Variants in MME observed in about 807,000 individuals in gnomAD.
MME encodes the protein neprilysin.
In MME, 98 loss-of-function variants were observed where a neutral mutation model predicts 113.2. The ratio of observed to expected loss-of-function variants is 0.87; its 90% CI spans 0.74 to 1.02. The LOEUF is 1.02. Ranked by LOEUF, MME falls within the 50% of genes least tolerant of loss-of-function variation. MME has a pLI of 0.00. For missense variants in MME, 836 were observed against 896.0 expected, an observed-to-expected ratio of 0.93 and a Z score of 0.86; for synonymous variants, 292 against 300.6, an observed-to-expected ratio of 0.97 and a Z score of 0.30.
chr3:155,164,043 C>T (rs1380751549), intron 17 of MME, among the ~76,000 whole-genome samples: 1 of 150,714 alleles, frequency 6.6e-6, no homozygotes, highest in Non-Finnish European at 1.5e-5. Flanking sequence ...ACTTGAGAGG[C>T]TGAGGTGGGA....
chr3:155,059,598 C>G (rs1714068887), intron 1 of MME, among the ~76,000 whole-genome samples: 1 of 151,988 alleles, frequency 6.6e-6, no homozygotes, highest in East Asian at 1.9e-4. Context: ...TTTTATGTTT[C>G]CCATAGAAAA....
chr3:155,152,733 C>A (rs891185154), intron 16 of MME, among the ~76,000 whole-genome samples: 7 of 151,854 alleles, frequency 4.6e-5, no homozygotes, highest in African/African-American at 1.7e-4. Flanking sequence ...GCCAGCTACT[C>A]AGGAGGCTGA....
chr3:155,143,866 C>G (rs1177033520), intron 13 of MME, among the ~76,000 whole-genome samples: 3 of 152,106 alleles, frequency 2.0e-5, no homozygotes, highest in Non-Finnish European at 4.4e-5. Context: ...TTTATAAACT[C>G]TTCTATTATC....
intron 1 of MME, among the ~76,000 whole-genome samples, chr3:155,025,474 A>T (rs1325426133): frequency 1.3e-5 from 2 of 151,632 alleles, no homozygotes; most frequent in Non-Finnish European, 2.9e-5. Flanking sequence ...AAATACAAAA[A>T]TTAGCTGGGC....
At chr3:155,065,310 A>G (rs1435968466) in intron 1 of MME, among the ~76,000 whole-genome samples, 8 of 152,160 alleles carry the variant, frequency 5.3e-5, no homozygotes, top group African/African-American at 1.9e-4. Context: ...TTACTAGACT[A>G]AGACTTAAGA....
upstream of MME, among the ~76,000 whole-genome samples, chr3:155,075,747 T>C (rs117466968): frequency 3.7e-4 from 56 of 152,252 alleles, no homozygotes; most frequent in East Asian, 0.01. Flanking sequence ...GGTCTCAAAC[T>C]TGGGCTCAAG....
At chr3:155,087,008 T>G (rs1305690746) in intron 3 of MME, among the ~76,000 whole-genome samples, 3 of 74,774 alleles carry the variant, frequency 4.0e-5, no homozygotes, top group Non-Finnish European at 8.1e-5. Flanking sequence ...TTTTTTTGTT[T>G]TTTTTTTTTG....
intron 1 of MME, among the ~76,000 whole-genome samples, chr3:155,063,613 T>G (rs1343944967): frequency 8.0e-6 from 1 of 124,772 alleles, no homozygotes; most frequent in Admixed American, 1.0e-4. Context: ...TTTGATTATA[T>G]AATATATAAT....
intron 16 of MME, among the ~76,000 whole-genome samples, chr3:155,155,702 T>A (rs1722260592): frequency 1.3e-5 from 2 of 152,210 alleles, no homozygotes; most frequent in South Asian, 4.1e-4. Flanking sequence ...AGGTTTCAGT[T>A]CTTTCCTGGA....
At chr3:155,062,749 G>A (rs911392211) in intron 1 of MME, among the ~76,000 whole-genome samples, 53 of 151,892 alleles carry the variant, frequency 3.5e-4, no homozygotes, top group African/African-American at 1.3e-3. Flanking sequence ...ACACACAAAT[G>A]GAAACTTTAA....
chr3:155,113,435 A>G (rs543175645), intron 3 of MME, among the ~76,000 whole-genome samples: 36 of 152,234 alleles, frequency 2.4e-4, no homozygotes, highest in Non-Finnish European at 5.9e-5. Flanking sequence ...GCCTGCCACC[A>G]TGGGCAGCTA....
At chr3:155,049,809 T>C (rs987941919) in intron 1 of MME, among the ~76,000 whole-genome samples, 1 of 152,092 alleles carries the variant, frequency 6.6e-6, no homozygotes, top group Non-Finnish European at 1.5e-5. Flanking sequence ...ACAGAAATTG[T>C]TTTTACCTTA....
At position 155,183,050 on chromosome 3, in the gene MME, G is replaced by A. The variant is rs1400947406; in HGVS notation, c.*2591G>A. ...AAGTTTAGAAGCTGAGACACAAAGG[G>A]TTGGGAGCTGATGAAACTCACAAAT... On this transcript the variant is annotated 3_prime_UTR_variant, in exon 23 of 23. Coordinates refer to ENST00000360490, the MANE Select transcript of MME (RefSeq NM_007289.4). 1.3e-5 allele frequency: 2 copies of A among 152,216 alleles called. No individual in the cohort carries two copies. The highest frequency in any genetic ancestry group is 4.8e-5 in the African/African-American group (2 of 41,444). The allele number at this position is 152,216 out of a possible 1,614,324, so 9.4% of individuals were successfully genotyped here. A position where few individuals can be genotyped will look rare whatever the true frequency, so the allele number is the denominator to read the frequency against.
At chr3:155,028,933 A>T (rs750378722) in intron 1 of MME, among the ~76,000 whole-genome samples, 4 of 152,212 alleles carry the variant, frequency 2.6e-5, no homozygotes, top group Non-Finnish European at 5.9e-5. Flanking sequence ...GGTTTAAAAC[A>T]CTTCATATCA....
rs76996470 is a variant in MME at position 155,137,753 on chromosome 3, G to A, written c.721-349G>A. On this transcript the variant is annotated intron_variant, in intron 8 of 22. Transcript: ENST00000360490. ...AAAAAGAAATGTATTATTATTCAGC[G>A]AAAAAATTAGTATATGTTATTGCTT... Among the ~76,000 whole-genome samples, 226 of 152,076 alleles carry A rather than the reference G, an allele frequency of 1.5e-3. 2 individuals carry two copies. The East Asian group carries it at 0.031, about 21-fold the overall frequency.
chr3:155,075,905 T>C (rs1714733035), upstream of MME, among the ~76,000 whole-genome samples: 1 of 152,222 alleles, frequency 6.6e-6, no homozygotes, highest in Admixed American at 6.5e-5. Context: ...TTGATCTTTT[T>C]TATCACCATT....
chr3:155,176,701 C>T (rs1712560943), intron 22 of MME, among the ~76,000 whole-genome samples: 2 of 152,112 alleles, frequency 1.3e-5, no homozygotes, highest in African/African-American at 4.8e-5. Context: ...TGGTACATGC[C>T]TGTAGTTCCA....
rs775680504 is a variant in MME at position 155,084,185 on chromosome 3, T to C, written c.18T>C (p.Ser6=). The C allele has an allele frequency of 1.2e-6, 2 of 1,614,120 alleles. No individual in the cohort carries two copies. The highest frequency in any genetic ancestry group is 2.7e-5 in the African/African-American group (2 of 75,052). MGKSE[S]QMDITDINTP... is the part of the protein sequence containing the mutation. ...TTTAGGTGATGGGCAAGTCAGAAAG[T>C]CAGATGGATATAACTGATATCAACA... is the stretch of plus-strand genomic sequence containing the variant. The change falls in exon 2 of 23, where the codon AGT becomes AGC. Residue 6 remains serine, a synonymous_variant. Coordinates refer to ENST00000360490, the MANE Select transcript of MME (RefSeq NM_007289.4).
At chr3:155,052,457 C>T (rs1713795045) in intron 1 of MME, among the ~76,000 whole-genome samples, 1 of 152,232 alleles carries the variant, frequency 6.6e-6, no homozygotes, top group Non-Finnish European at 1.5e-5. Flanking sequence ...TCTCAAAGCT[C>T]AATCCTTGTC....
Sources: allele counts gnomAD v4.1 joint callset (sites outside exome capture counted in the v4.1 genomes callset), GRCh38; gene constraint gnomAD v4.1.1; transcripts MANE v1.5; gene names NCBI Gene and HGNC (gene_info 2026-07-23, HGNC 2026-07-21).